ARHGAP11A: variants seen among roughly 807,000 people sequenced by gnomAD.
ARHGAP11A encodes Rho GTPase activating protein 11A.
In ARHGAP11A, 36 loss-of-function variants were observed where a neutral mutation model predicts 60.5. That is an observed-to-expected ratio of 0.59 (90% CI 0.46 to 0.79). The LOEUF (loss-of-function observed/expected upper bound fraction) is 0.79. Ranked by LOEUF, ARHGAP11A falls within the 30% of genes least tolerant of loss-of-function variation. ARHGAP11A has a pLI of 0.00. For synonymous variants in ARHGAP11A, 362 were observed against 415.5 expected (o/e 0.87, Z 1.57); for missense variants, 1,071 against 1,199.2 (o/e 0.89, Z 1.58).
intron 3 of ARHGAP11A, 141 bp from the exon 4 acceptor site, chr15:32,624,032 A>T: frequency 1.7e-6 from 1 of 601,424 alleles, no homozygotes; most frequent in South Asian, 2.2e-5. Flanking sequence ...AATCATTAAA[A>T]ATAAAGTAGT....
chr15:32,625,872 A>G (rs1266906662), intron 6 of ARHGAP11A, among the ~76,000 whole-genome samples: 2 of 152,392 alleles, frequency 1.3e-5, no homozygotes, highest in East Asian at 1.9e-4. Flanking sequence ...TGTAATTATC[A>G]GGGACTTGTC....
intron 2 of ARHGAP11A, among the ~76,000 whole-genome samples, chr15:32,622,278 CGTAG>C: frequency 6.6e-6 from 1 of 152,264 alleles, no homozygotes; most frequent in Non-Finnish European, 1.5e-5. Flanking sequence ...ATTAGCTGGG[CGTAG>C]TGATGTGTGC....
At chr15:32,625,411 T>C (rs1236150627) in intron 5 of ARHGAP11A, 76 bp from the exon 6 acceptor site, 1 of 1,539,982 alleles carries the variant, frequency 6.5e-7, no homozygotes, top group Non-Finnish European at 8.7e-7. Context: ...GAAATTGGTA[T>C]ATTAGTATCT....
intron 1 of ARHGAP11A, 47 bp downstream of exon 1, chr15:32,616,387 C>T (rs368253364): frequency 3.1e-6 from 5 of 1,610,834 alleles, no homozygotes; most frequent in South Asian, 2.2e-5. Flanking sequence ...AGGGCACACC[C>T]TTTATCATCA....
At chr15:32,635,019 GT>G (rs991346285) in intron 10 of ARHGAP11A, among the ~76,000 whole-genome samples, 4 of 152,064 alleles carry the variant, frequency 2.6e-5, no homozygotes, top group African/African-American at 9.7e-5. Context: ...AATCTGTTAG[GT>G]TATGTAGTTT....
chr15:32,636,962 A>T lies in ARHGAP11A; in HGVS notation c.2189A>T (p.Lys730Met). 1 of 1,609,404 alleles carries T rather than the reference A, an allele frequency of 6.2e-7. No homozygotes were observed. The highest frequency in any genetic ancestry group is 1.3e-5 in the African/African-American group (1 of 74,622). The change falls in exon 12 of 12, where the codon AAG becomes ATG. Residue 730 changes from lysine (K) to methionine (M), a missense_variant. Around this residue, in one of 4 missense-constraint regions of ARHGAP11A, gnomAD observed 776 missense variants for 760.2 expected, o/e 1.02. Transcript: ENST00000361627. ...DEEIKKQQSP[K>M]DKLNNKLKEN... ...GAAATAAAGAAACAGCAGTCCCCAA[A>T]GGATAAACTAAATAATAAATTAAAA... is the stretch of plus-strand genomic sequence containing the variant.
At position 32,637,288 on chromosome 15, in the gene ARHGAP11A, C is replaced by G. The variant is rs767940461; in HGVS notation, c.2515C>G (p.Arg839Gly). The change falls in exon 12 of 12, where the codon CGT becomes GGT. Residue 839 changes from arginine (R) to glycine (G), a missense_variant. Physicochemically the swap from Arg to Gly is moderately radical, Grantham distance 125. Around this residue, in one of 4 missense-constraint regions of ARHGAP11A, gnomAD observed 776 missense variants for 760.2 expected, o/e 1.02. Transcript: ENST00000361627. ...TCTTAAGTTTCAGCGTACTCCTGTT[C>G]GTCAGTCCGTCAGAAGAATTAATTC... ...SPLKFQRTPVRQSVRRINSLL... is the reference protein window; with the variant it reads ...SPLKFQRTPVGQSVRRINSLL... The G allele has an allele frequency of 1.2e-6, 2 of 1,613,992 alleles. No homozygotes were observed. The highest frequency in any genetic ancestry group is 1.3e-5 in the African/African-American group (1 of 74,914).
At chr15:32,634,446 A>G (rs1014273234) in intron 10 of ARHGAP11A, among the ~76,000 whole-genome samples, 3 of 152,200 alleles carry the variant, frequency 2.0e-5, no homozygotes, top group African/African-American at 7.2e-5. Flanking sequence ...ACATCATGTC[A>G]AATACTTAAA....
At position 32,633,916 on chromosome 15, in the gene ARHGAP11A, A is replaced by T; in HGVS notation, c.1236-17A>T. On this transcript the variant is annotated splice_polypyrimidine_tract_variant and intron_variant, in intron 9 of 11. Coordinates refer to ENST00000361627, the MANE Select transcript of ARHGAP11A (RefSeq NM_014783.6). ...GTTTATACTATAAACTGACATTTTT[A>T]ATTCCACTTCTTCTAGAGTGGAATC... 6.6e-7 allele frequency: 1 copy of T among 1,513,096 alleles called. No individual in the cohort carries two copies. The highest frequency in any genetic ancestry group is 9.0e-7 in the Non-Finnish European group (1 of 1,110,884). 93.7% of individuals were successfully genotyped at this position (1,513,096 alleles called of 1,614,324 possible). A position where few individuals can be genotyped will look rare whatever the true frequency, so the allele number is the denominator to read the frequency against.
intron 1 of ARHGAP11A, among the ~76,000 whole-genome samples, chr15:32,618,150 G>A (rs1444064839): frequency 1.3e-5 from 2 of 152,178 alleles, no homozygotes; most frequent in Non-Finnish European, 2.9e-5. Context: ...GGGATAGTTT[G>A]TTTGAAAACA....
At position 32,624,384 on chromosome 15, in the gene ARHGAP11A, T is replaced by G; in HGVS notation, c.509T>G (p.Val170Gly). 1 of 1,613,918 alleles carries G rather than the reference T, an allele frequency of 6.2e-7. No individual in the cohort carries two copies. The stretch of plus-strand genomic sequence containing the variant: ...CTTCTGGCTGACCACACAGTTCATG[T>G]ATTAAGATACTTCTTTAACTTTCTC... ...SCLLADHTVH[V>G]LRYFFNFLRN... Residue 170 changes from valine (V) to glycine (G), a missense_variant, in exon 4 of 12, where the codon GTA (valine) becomes GGA (glycine). Physicochemically the swap from Val to Gly is moderately radical, Grantham distance 109. Coordinates refer to ENST00000361627, the MANE Select transcript of ARHGAP11A (RefSeq NM_014783.6).
Position 32,628,789 on chromosome 15 carries a change from A to G in ARHGAP11A, c.924A>G (p.Gln308=), listed in dbSNP as rs2053524944. ...ACAGAACACCTTCTATTACACCTCAAGAAGAAAGAATTGGTAGGTATTTAT... is the reference window on the plus strand; with the variant it reads ...ACAGAACACCTTCTATTACACCTCAGGAAGAAAGAATTGGTAGGTATTTAT... ...KPNRTPSITP[Q]EERIAQLSES... The change falls in exon 7 of 12, where the codon CAA becomes CAG. Residue 308 remains glutamine (Q), a synonymous_variant. Coordinates refer to ENST00000361627, the MANE Select transcript of ARHGAP11A (RefSeq NM_014783.6). 2 of 1,552,576 alleles carry G rather than the reference A, an allele frequency of 1.3e-6. No individual in the cohort carries two copies. The highest frequency in any genetic ancestry group is 2.4e-5 in the East Asian group (1 of 41,670).
chr15:32,631,041 G>T (rs1297562114), intron 8 of ARHGAP11A, among the ~76,000 whole-genome samples: 2 of 151,974 alleles, frequency 1.3e-5, no homozygotes. Flanking sequence ...AAACAGTCTT[G>T]TGCTATTTTT....
chr15:32,636,406 G>C lies in ARHGAP11A; in HGVS notation c.1633G>C (p.Glu545Gln), dbSNP rs1407475384. The change falls in exon 12 of 12, where the codon GAG becomes CAG. Residue 545 changes from glutamate (E) to glutamine (Q), a missense_variant. By Grantham distance (29) the Glu-to-Gln change is conservative. This residue lies in a region of ARHGAP11A where 776 missense variants were observed against 760.2 expected (regional missense o/e 1.02). Transcript: ENST00000361627. ...NEASSMVENLEVENSLEPDIM... is the reference protein window; with the variant it reads ...NEASSMVENLQVENSLEPDIM... Reference sequence around the variant, plus strand: ...AGCTTCTTCAATGGTGGAAAATCTTGAGGTAGAAAACTCTTTGGAGCCTGA... The same window carrying C: ...AGCTTCTTCAATGGTGGAAAATCTTCAGGTAGAAAACTCTTTGGAGCCTGA... The C allele has an allele frequency of 1.2e-6, 2 of 1,614,090 alleles. No homozygotes were observed. The highest frequency in any genetic ancestry group is 1.7e-5 in the Admixed American group (1 of 60,018).
intron 1 of ARHGAP11A, 103 bp downstream of exon 1, chr15:32,616,443 G>T: frequency 6.5e-7 from 1 of 1,548,982 alleles, no homozygotes; most frequent in Non-Finnish European, 8.7e-7. Flanking sequence ...GTATCAAAAA[G>T]AATGGTTAGG....
intron 8 of ARHGAP11A, 152 bp from the exon 9 acceptor site, chr15:32,632,827 T>G: frequency 4.4e-6 from 3 of 684,114 alleles, no homozygotes; most frequent in Non-Finnish European, 6.8e-6. Context: ...TTGGGTTATT[T>G]GACACTTGAA....
In ARHGAP11A at chr15:32,633,978, T is replaced by G. The variant is rs774738425; in HGVS notation, c.1281T>G (p.His427Gln). The G allele has an allele frequency of 6.2e-7, 1 of 1,607,294 alleles. No homozygotes were observed. Among genetic ancestry groups the G allele is most frequent in the Non-Finnish European group, 8.5e-7 (1 of 1,178,308 alleles). The change falls in exon 10 of 12, where the codon CAT becomes CAG. Residue 427 changes from histidine (H) to glutamine (Q), a missense_variant. By Grantham distance (24) the His-to-Gln change is conservative. Coordinates refer to ENST00000361627, the MANE Select transcript of ARHGAP11A (RefSeq NM_014783.6). Reference sequence around the variant, plus strand: ...GCTGCTTTTCTCCTAAAATCAGCCATAAAGAAAAGGTTCGAAGATCTCTGC... The same window carrying G: ...GCTGCTTTTCTCCTAAAATCAGCCAGAAAGAAAAGGTTCGAAGATCTCTGC... ...KAGCFSPKISHKEKVRRSLRL... is the reference protein window; with the variant it reads ...KAGCFSPKISQKEKVRRSLRL...
intron 2 of ARHGAP11A, 26 bp from the exon 3 acceptor site, chr15:32,623,466 G>T: frequency 1.2e-6 from 2 of 1,602,334 alleles, no homozygotes; most frequent in South Asian, 2.2e-5. Context: ...TGTATGTCTA[G>T]CCACCTGAAA....
intron 6 of ARHGAP11A, among the ~76,000 whole-genome samples, chr15:32,626,677 C>T (rs966339073): frequency 1.3e-5 from 2 of 152,254 alleles, no homozygotes; most frequent in Admixed American, 6.5e-5. Flanking sequence ...GTTCTGGAGG[C>T]TAGAAGTCTG....
Sources: allele counts gnomAD v4.1 joint callset (sites outside exome capture counted in the v4.1 genomes callset), GRCh38; gene constraint gnomAD v4.1.1; regional missense constraint gnomAD v4.1.1; transcripts MANE v1.5; gene names NCBI Gene and HGNC (gene_info 2026-07-23, HGNC 2026-07-21).